The following PRTG variants were observed in gnomAD, a reference collection of about 807,000 sequenced individuals.
PRTG encodes the protein immunoglobulin superfamily, DCC subclass, member 5.
Under a neutral mutation model 122.5 loss-of-function variants are expected in PRTG, and 67 were observed. The ratio of observed to expected loss-of-function variants is 0.55; its 90% CI spans 0.45 to 0.67. PRTG has a LOEUF of 0.67. Among genes scored for constraint, PRTG ranks in the 30% least tolerant of loss-of-function variants. The probability of loss-of-function intolerance (pLI) is 0.00; values close to 1 mark genes in which losing one functional copy is unlikely to be tolerated. For synonymous variants in PRTG, 554 were observed against 501.1 expected (o/e 1.11, Z -1.41); for missense variants, 1,435 against 1,415.4 (o/e 1.01, Z -0.22).
intron 2 of PRTG, among the ~76,000 whole-genome samples, chr15:55,728,070 T>G (rs1167411629): frequency 6.6e-6 from 1 of 152,054 alleles, no homozygotes; most frequent in Non-Finnish European, 1.5e-5. Flanking sequence ...CTCACCATGT[T>G]GCCCAGGCTG....
chr15:55,628,105 ATTCTCT>A (rs1393633690), intron 16 of PRTG, among the ~76,000 whole-genome samples: 3 of 151,888 alleles, frequency 2.0e-5, no homozygotes, highest in African/African-American at 7.3e-5. Context: ...TTCCTCTCTC[ATTCTCT>A]TTCTAACACA....
intron 2 of PRTG, among the ~76,000 whole-genome samples, chr15:55,713,153 C>A (rs887026314): frequency 6.6e-6 from 1 of 151,244 alleles, no homozygotes; most frequent in Admixed American, 6.6e-5. Context: ...ATTATAAGAA[C>A]TATTTTGTAC....
In PRTG at chr15:55,702,509, A is replaced by AG. The variant is rs1470214522; in HGVS notation, c.398-18579dup. On this transcript the variant is annotated intron_variant, in intron 2 of 19. Transcript: ENST00000389286. ...AATTCAGTCATCACCTCCTTCATCT[A>AG]GAGCATATAGTATAATGTGTACATA... Among the ~76,000 whole-genome samples, 3 of 152,204 alleles carry AG rather than the reference A, an allele frequency of 2.0e-5. No individual in the cohort carries two copies. The East Asian group carries it at 5.8e-4, about 29-fold the overall frequency.
intron 2 of PRTG, among the ~76,000 whole-genome samples, chr15:55,689,289 C>A (rs2141825724): frequency 6.6e-6 from 1 of 152,280 alleles, no homozygotes; most frequent in East Asian, 1.9e-4. Context: ...TGTCAAAAAG[C>A]ATCATGTCTC....
chr15:55,738,000 CTCTATA>C lies in PRTG; in HGVS notation c.397+2376_397+2381del, dbSNP rs1459272492. Among the ~76,000 whole-genome samples, 376 of 66,814 alleles carry C rather than the reference CTCTATA, an allele frequency of 5.6e-3. 3 individuals carry two copies. The highest frequency in any genetic ancestry group is 8.4e-3 in the Non-Finnish European group (239 of 28,312). 43.8% of individuals were successfully genotyped at this position (66,814 alleles called of 152,430 possible). ...ATTCTCTCTCTCTCTCTCTCTCTCT[CTCTATA>C]TATATATATATATATATATACACAC... On this transcript the variant is annotated intron_variant, in intron 2 of 19. Coordinates refer to ENST00000389286, the MANE Select transcript of PRTG (RefSeq NM_173814.6).
At chr15:55,711,979 C>T (rs748449834) in intron 2 of PRTG, among the ~76,000 whole-genome samples, 2 of 152,094 alleles carry the variant, frequency 1.3e-5, no homozygotes, top group Non-Finnish European at 2.9e-5. Context: ...GACTGTTACA[C>T]AAGTGAGGTT....
chr15:55,740,554 A>AC lies in PRTG; in HGVS notation c.224_225insG (p.Asn75LysfsTer7). 6.2e-7 allele frequency: 1 copy of AC among 1,605,252 alleles called. No individual in the cohort carries two copies. Among genetic ancestry groups the AC allele is most frequent in the Non-Finnish European group, 8.5e-7 (1 of 1,175,088 alleles). The stretch of plus-strand genomic sequence containing the variant: ...GTTTATTTTCAGACATTTTTGCTCC[A>AC]TTTTTCAACCATGTGACCTTAATAG... On this transcript the variant is annotated frameshift_variant, in exon 2 of 20. Transcript: ENST00000389286. LOFTEE classifies it high-confidence loss of function.
chr15:55,632,043 T>C (rs898484660), intron 15 of PRTG, among the ~76,000 whole-genome samples: 1 of 152,190 alleles, frequency 6.6e-6, no homozygotes, highest in Non-Finnish European at 1.5e-5. Context: ...CACATGCTTA[T>C]GTGATTTTTT....
At chr15:55,693,007 ATTTT>A (rs989580703) in intron 2 of PRTG, among the ~76,000 whole-genome samples, 2 of 142,052 alleles carry the variant, frequency 1.4e-5, no homozygotes, top group Non-Finnish European at 3.1e-5. Context: ...CGGCCAGCTA[ATTTT>A]TTTTTTTTTT....
Position 55,675,696 on chromosome 15 carries a change from A to C in PRTG, c.1382-13T>G, listed in dbSNP as rs375833344. 1.4e-5 allele frequency: 21 copies of C among 1,497,676 alleles called. No homozygotes were observed. The highest frequency in any genetic ancestry group is 3.5e-5 in the Admixed American group (2 of 57,574). The allele number at this position is 1,497,676 out of a possible 1,614,324, so 92.8% of individuals were successfully genotyped here. A position where few individuals can be genotyped will look rare whatever the true frequency, so the allele number is the denominator to read the frequency against. ...TCATTATTTAAACCTAAATTAAAGA[A>C]TCCATGTTTTAAAATGACAGATATT... On this transcript the variant is annotated splice_polypyrimidine_tract_variant and intron_variant, in intron 8 of 19. Coordinates refer to ENST00000389286, the MANE Select transcript of PRTG (RefSeq NM_173814.6).
rs190122989 is a variant in PRTG, at chr15:55,618,990, T to G, written c.*1022A>C. 1.2e-4 allele frequency: 19 copies of G among 152,214 alleles called. No homozygotes were observed. Among genetic ancestry groups the G allele is most frequent in the Admixed American group, 9.2e-4 (14 of 15,274 alleles). 9.4% of individuals were successfully genotyped at this position (152,214 alleles called of 1,614,324 possible). A position where few individuals can be genotyped will look rare whatever the true frequency, so the allele number is the denominator to read the frequency against. ...TCACTCCTTTAAGCCAAACTGGGATTTAAAAAAAGAAAAAAAACCACCTTA... is the reference window on the plus strand; with the variant it reads ...TCACTCCTTTAAGCCAAACTGGGATGTAAAAAAAGAAAAAAAACCACCTTA... On this transcript the variant is annotated 3_prime_UTR_variant, in exon 20 of 20. Coordinates refer to ENST00000389286, the MANE Select transcript of PRTG (RefSeq NM_173814.6).
At chr15:55,634,516 T>G (rs1027883165) in intron 15 of PRTG, among the ~76,000 whole-genome samples, 1 of 152,192 alleles carries the variant, frequency 6.6e-6, no homozygotes, top group African/African-American at 2.4e-5. Flanking sequence ...CATTTTGGAC[T>G]TGAATGACTG....
intron 2 of PRTG, among the ~76,000 whole-genome samples, chr15:55,716,944 T>C (rs112850600): frequency 8.4e-4 from 128 of 152,326 alleles, no homozygotes; most frequent in Non-Finnish European, 1.3e-3. Context: ...CATTCTACAA[T>C]GGAATTCATG....
At chr15:55,668,001 G>C (rs139818265) in intron 11 of PRTG, among the ~76,000 whole-genome samples, 5 of 152,306 alleles carry the variant, frequency 3.3e-5, no homozygotes, top group Admixed American at 2.0e-4. Context: ...GAGGTAGGAG[G>C]ATTGCTTGAG....
intron 15 of PRTG, among the ~76,000 whole-genome samples, chr15:55,629,538 C>T (rs2059215906): frequency 6.6e-6 from 1 of 151,774 alleles, no homozygotes; most frequent in Admixed American, 6.6e-5. Context: ...ATAATGAACC[C>T]AGATTCAATA....
intron 12 of PRTG, 74 bp downstream of exon 12, chr15:55,641,039 T>C (rs561917607): frequency 7.4e-4 from 740 of 1,001,890 alleles, no homozygotes; most frequent in Non-Finnish European, 1.0e-3. Flanking sequence ...GTAGTGAGAC[T>C]GTAACTTAAA....
intron 2 of PRTG, among the ~76,000 whole-genome samples, chr15:55,739,160 C>G (rs1216099708): frequency 1.3e-5 from 2 of 151,890 alleles, no homozygotes; most frequent in Non-Finnish European, 2.9e-5. Context: ...ATAAATGGAC[C>G]ATGAACAGTA....
chr15:55,626,508 A>C (rs1013027258), intron 17 of PRTG, among the ~76,000 whole-genome samples: 2 of 151,218 alleles, frequency 1.3e-5, no homozygotes, highest in African/African-American at 2.4e-5. Flanking sequence ...CTTTGGGAGG[A>C]TGAGGCGGGC....
At chr15:55,664,498 G>A (rs1374774791) in intron 11 of PRTG, among the ~76,000 whole-genome samples, 1 of 152,058 alleles carries the variant, frequency 6.6e-6, no homozygotes, top group African/African-American at 2.4e-5. Context: ...TAATTAAATT[G>A]GTACAGATAA....
Sources: allele counts gnomAD v4.1 joint callset (sites outside exome capture counted in the v4.1 genomes callset), GRCh38; gene constraint gnomAD v4.1.1; transcripts MANE v1.5; gene names NCBI Gene and HGNC (gene_info 2026-07-23, HGNC 2026-07-21).